Variants in APBB2 observed in about 807,000 individuals in gnomAD.
The protein encoded by APBB2 is Fe65-like 1.
A neutral mutation model predicts 82.5 loss-of-function variants in APBB2; 38 were observed. The observed-to-expected ratio is 0.46, with a 90% CI of 0.36 to 0.60. The LOEUF (loss-of-function observed/expected upper bound fraction) is 0.60. APBB2 is among the 20% of genes least tolerant of loss of function. The pLI is 0.00. For synonymous variants in APBB2, 341 were observed against 368.2 expected, an observed-to-expected ratio of 0.93 and a Z score of 0.85; for missense variants, 772 against 972.3, an observed-to-expected ratio of 0.79 and a Z score of 2.74.
chr4:40,972,967 C>G (rs1377790435), intron 6 of APBB2, among the ~76,000 whole-genome samples: 1 of 152,158 alleles, frequency 6.6e-6, no homozygotes, highest in Non-Finnish European at 1.5e-5. Flanking sequence ...TATTTTATAT[C>G]CTTAATCAGA....
At chr4:41,151,445 T>G (rs1247820178) in intron 1 of APBB2, among the ~76,000 whole-genome samples, 2 of 152,222 alleles carry the variant, frequency 1.3e-5, no homozygotes, top group Non-Finnish European at 2.9e-5. Context: ...TTAATGAGAT[T>G]TATCTACATG....
chr4:40,901,371 C>CA (rs750461559), intron 10 of APBB2, among the ~76,000 whole-genome samples: 23 of 149,334 alleles, frequency 1.5e-4, no homozygotes, highest in Non-Finnish European at 3.0e-4. Context: ...TTTGTTTTTA[C>CA]AATTAATGAC....
intron 5 of APBB2, among the ~76,000 whole-genome samples, chr4:41,022,551 C>G (rs972922284): frequency 1.3e-5 from 2 of 152,182 alleles, no homozygotes; most frequent in Non-Finnish European, 2.9e-5. Flanking sequence ...CTTCTCTTGT[C>G]CCTCTGGAGT....
At chr4:41,074,081 G>C (rs1734787670) in intron 3 of APBB2, among the ~76,000 whole-genome samples, 1 of 152,122 alleles carries the variant, frequency 6.6e-6, no homozygotes, top group African/African-American at 2.4e-5. Flanking sequence ...AGCTATGATG[G>C]TGCCACTGCA....
rs1777155763 is a variant in APBB2, at chr4:40,907,363, ATATATATATATATATATT to A, written c.1255-13970_1255-13953del. 5.5e-5 allele frequency among the ~76,000 whole-genome samples: 5 copies of A among 91,182 alleles called. No homozygotes were observed. In the East Asian group the frequency reaches 1.2e-3, roughly 23 times the overall value. The allele number at this position is 91,182 out of a possible 152,430, so 59.8% of individuals were successfully genotyped here. A position where few individuals can be genotyped will look rare whatever the true frequency, so the allele number is the denominator to read the frequency against. The stretch of plus-strand genomic sequence containing the variant: ...TAATATATTACATATATATATATAT[ATATATATATATATATATT>A]TTTTTTTTTTTTTTTTTTTAGACAG... On this transcript the variant is annotated intron_variant, in intron 10 of 17. Coordinates refer to ENST00000508593, the MANE Select transcript of APBB2 (RefSeq NM_004307.2).
intron 2 of APBB2, among the ~76,000 whole-genome samples, chr4:41,101,745 G>A (rs1276410948): frequency 6.6e-6 from 1 of 151,960 alleles, no homozygotes; most frequent in Non-Finnish European, 1.5e-5. Flanking sequence ...GGATCACGAC[G>A]TCAGGAGTTC....
At chr4:41,033,126 A>G in intron 5 of APBB2, 110 bp downstream of exon 5, 1 of 821,436 alleles carries the variant, frequency 1.2e-6, no homozygotes, top group South Asian at 1.6e-5. Flanking sequence ...AATGAAATTA[A>G]AAAACATGTT....
intron 6 of APBB2, among the ~76,000 whole-genome samples, chr4:40,948,533 G>T (rs1192045869): frequency 6.6e-6 from 1 of 152,058 alleles, no homozygotes; most frequent in African/African-American, 2.4e-5. Flanking sequence ...GGCCGAGGCG[G>T]GCAGATCACT....
intron 1 of APBB2, among the ~76,000 whole-genome samples, chr4:41,146,541 T>C (rs1760806856): frequency 6.6e-6 from 1 of 152,136 alleles, no homozygotes; most frequent in African/African-American, 2.4e-5. Flanking sequence ...ATAATTAAAA[T>C]AATCCTAATC....
chr4:40,892,218 TG>T (rs1050088184), intron 11 of APBB2, among the ~76,000 whole-genome samples: 3 of 152,206 alleles, frequency 2.0e-5, no homozygotes, highest in Non-Finnish European at 4.4e-5. Flanking sequence ...CCCAAAGTGC[TG>T]GGATTACAGG....
At chr4:40,952,301 G>A (rs899985661) in intron 6 of APBB2, among the ~76,000 whole-genome samples, 1 of 151,970 alleles carries the variant, frequency 6.6e-6, no homozygotes, top group Non-Finnish European at 1.5e-5. Flanking sequence ...AGGAGGTCCG[G>A]CAAGTCCAGA....
At chr4:41,106,277 T>C (rs1429761834) in intron 2 of APBB2, among the ~76,000 whole-genome samples, 2 of 152,182 alleles carry the variant, frequency 1.3e-5, no homozygotes, top group Non-Finnish European at 1.5e-5. Context: ...TTTGGCACTA[T>C]CTCATTTCCC....
chr4:40,854,196 T>C (rs914200826), intron 12 of APBB2, among the ~76,000 whole-genome samples: 1 of 152,244 alleles, frequency 6.6e-6, no homozygotes, highest in Non-Finnish European at 1.5e-5. Context: ...GGGCATCCTA[T>C]ACTAGGTACT....
intron 10 of APBB2, among the ~76,000 whole-genome samples, chr4:40,914,203 T>C (rs1170257830): frequency 1.3e-5 from 2 of 151,964 alleles, no homozygotes; most frequent in Non-Finnish European, 2.9e-5. Context: ...ACCCTGTCTC[T>C]ACTAAAAATA....
At chr4:41,115,806 T>C (rs1051830388) in intron 2 of APBB2, among the ~76,000 whole-genome samples, 6 of 152,046 alleles carry the variant, frequency 3.9e-5, no homozygotes, top group Non-Finnish European at 7.4e-5. Context: ...ATTAAAAAGT[T>C]AGGAAACAAC....
chr4:41,124,967 A>C (rs914664605), intron 2 of APBB2, among the ~76,000 whole-genome samples: 3 of 152,192 alleles, frequency 2.0e-5, no homozygotes, highest in Non-Finnish European at 2.9e-5. Context: ...GTGGCTTCCC[A>C]AGCTTTGGGG....
At chr4:41,020,279 A>T (rs927047111) in intron 5 of APBB2, among the ~76,000 whole-genome samples, 2 of 152,236 alleles carry the variant, frequency 1.3e-5, no homozygotes, top group African/African-American at 4.8e-5. Flanking sequence ...GTTTCCTAAC[A>T]GGGGATCTAA....
At chr4:40,856,020 G>T (rs1761082235) in intron 12 of APBB2, among the ~76,000 whole-genome samples, 1 of 152,212 alleles carries the variant, frequency 6.6e-6, no homozygotes, top group Non-Finnish European at 1.5e-5. Flanking sequence ...GAACTTTAGA[G>T]AGAATCTTAC....
intron 12 of APBB2, among the ~76,000 whole-genome samples, chr4:40,882,302 C>A (rs751118287): frequency 3.4e-4 from 52 of 152,260 alleles, no homozygotes; most frequent in Non-Finnish European, 4.4e-5. Context: ...AGAAGCTTCA[C>A]GGAGGAGCCT....
Sources: allele counts gnomAD v4.1 joint callset (sites outside exome capture counted in the v4.1 genomes callset), GRCh38; gene constraint gnomAD v4.1.1; transcripts MANE v1.5; gene names NCBI Gene and HGNC (gene_info 2026-07-23, HGNC 2026-07-21).